The following MAP4K3 variants were observed in gnomAD, a reference collection of about 807,000 sequenced individuals.
The protein encoded by MAP4K3 is MAPK/ERK kinase kinase kinase 3.
In MAP4K3, 94 loss-of-function variants were observed where a neutral mutation model predicts 143.5. The observed-to-expected ratio is 0.65, with a 90% CI of 0.55 to 0.78. The LOEUF (loss-of-function observed/expected upper bound fraction) is 0.78. Ranked by LOEUF, MAP4K3 falls within the 30% of genes least tolerant of loss-of-function variation. The probability of loss-of-function intolerance (pLI) is 0.00; values close to 1 mark genes in which losing one functional copy is unlikely to be tolerated. For synonymous variants in MAP4K3, 416 were observed against 347.2 expected, an observed-to-expected ratio of 1.20 and a Z score of -2.20; for missense variants, 1,077 against 1,068.1, an observed-to-expected ratio of 1.01 and a Z score of -0.12.
chr2:39,251,876 CT>C lies in MAP4K3; in HGVS notation c.2550del (p.Glu851LysfsTer83). On this transcript the variant is annotated frameshift_variant, in exon 33 of 34. Coordinates refer to ENST00000263881, the MANE Select transcript of MAP4K3 (RefSeq NM_003618.4). LOFTEE classifies it high-confidence loss of function. ...AAAATTCTTGTGCTATCTGAAATTT[CT>C]TGTGTTACCTGTTCAATTAAAACAC... ...GRSFRSNEVT[Q>X]EISDSTRIFR... The C allele has an allele frequency of 6.2e-7, 1 of 1,612,914 alleles. No individual in the cohort carries two copies. Among genetic ancestry groups the C allele is most frequent in the Non-Finnish European group, 8.5e-7 (1 of 1,179,330 alleles).
chr2:39,297,974 T>A (rs1192799858), intron 16 of MAP4K3, among the ~76,000 whole-genome samples: 1 of 152,034 alleles, frequency 6.6e-6, no homozygotes, highest in African/African-American at 2.4e-5. Context: ...AACTAAGGAA[T>A]CTGGAAAAGC....
In MAP4K3 at chr2:39,356,314, T is replaced by C. The variant is rs755923879; in HGVS notation, c.180A>G (p.Gln60=). Residue 60 remains glutamine (Q), a synonymous_variant, in exon 3 of 34, where the codon CAA becomes CAG. Coordinates refer to ENST00000263881, the MANE Select transcript of MAP4K3 (RefSeq NM_003618.4). The part of the protein sequence containing the change: ...EPGEDFAVVQ[Q]EIIMMKDCKH... ...TACAGTCTTTCATCATAATAATTTC[T>C]TGCTGCACAACTGCAAAGTCTTCTC... 5.6e-6 allele frequency: 9 copies of C among 1,601,734 alleles called. No individual in the cohort carries two copies. The highest frequency in any genetic ancestry group is 3.3e-4 in the Middle Eastern group (2 of 6,032).
chr2:39,252,562 TG>T lies in MAP4K3; in HGVS notation c.2542-678del, dbSNP rs1457732260. On this transcript the variant is annotated intron_variant, in intron 32 of 33. Coordinates refer to ENST00000263881, the MANE Select transcript of MAP4K3 (RefSeq NM_003618.4). Reference sequence around the variant, plus strand: ...CATATATCCTTCAAGAAGTCCTCAGTGTGACCAACTACCAGTTGGGGAATTA... The same window carrying T: ...CATATATCCTTCAAGAAGTCCTCAGTTGACCAACTACCAGTTGGGGAATTA... 2.0e-5 allele frequency among the ~76,000 whole-genome samples: 3 copies of T among 152,212 alleles called. No homozygotes were observed. In the East Asian group the frequency reaches 5.8e-4, roughly 29 times the overall value.
chr2:39,397,291 T>C (rs1018036062), intron 1 of MAP4K3, among the ~76,000 whole-genome samples: 14 of 152,146 alleles, frequency 9.2e-5, no homozygotes, highest in Admixed American at 7.2e-4. Flanking sequence ...TTCAGTAAGA[T>C]AGTAACCTAT....
intron 24 of MAP4K3, among the ~76,000 whole-genome samples, chr2:39,274,229 T>G (rs1681154828): frequency 6.6e-6 from 1 of 151,566 alleles, no homozygotes; most frequent in South Asian, 2.1e-4. Context: ...CTCTTTTTTT[T>G]TTTTTGAGAT....
rs1202129763 is a variant in MAP4K3, at chr2:39,265,331, G to A, written c.2033-25C>T. The A allele has an allele frequency of 3.0e-6, 4 of 1,347,734 alleles. No individual in the cohort carries two copies. The South Asian group carries it at 3.5e-5, about 12-fold the overall frequency. 83.5% of individuals were successfully genotyped at this position (1,347,734 alleles called of 1,614,324 possible). On this transcript the variant is annotated intron_variant, in intron 27 of 33. Transcript: ENST00000263881. ...ACTGTCAAAGCAAAAATATAAATGA[G>A]TTCTCTTATAAAACAAAGTCATTAT...
intron 8 of MAP4K3, 68 bp downstream of exon 8, chr2:39,331,849 A>AT: frequency 1.9e-6 from 2 of 1,066,362 alleles, no homozygotes; most frequent in Non-Finnish European, 1.3e-6. Context: ...TGACCAGTCT[A>AT]TTTTTTAGAA....
intron 3 of MAP4K3, among the ~76,000 whole-genome samples, chr2:39,353,151 A>C (rs1377292528): frequency 6.6e-6 from 1 of 152,216 alleles, no homozygotes; most frequent in African/African-American, 2.4e-5. Context: ...CGTTGGATAG[A>C]CTAAGTAAGT....
chr2:39,328,634 T>C (rs1228414120), intron 8 of MAP4K3, among the ~76,000 whole-genome samples: 1 of 152,110 alleles, frequency 6.6e-6, no homozygotes, highest in Non-Finnish European at 1.5e-5. Context: ...GTTCTGGTGG[T>C]TTCTTACCAC....
chr2:39,299,750 C>A lies in MAP4K3; in HGVS notation c.1171G>T (p.Ala391Ser). 2 of 1,561,728 alleles carry A rather than the reference C, an allele frequency of 1.3e-6. No homozygotes were observed. The highest frequency in any genetic ancestry group is 1.2e-5 in the South Asian group (1 of 80,880). The change falls in exon 16 of 34, where the codon GCA (alanine) becomes TCA (serine). Residue 391 changes from alanine to serine, a missense_variant. By Grantham distance (99) the Ala-to-Ser change is moderately conservative. Transcript: ENST00000263881. ...QGHQGGYFLG[A>S]NKSLLKSVEE... is the part of the protein sequence containing the mutation. ...TAAAAGAACTTTACTTACTTGTTTG[C>A]ACCTAAAAAGTAACCACCTTGGTGT...
chr2:39,398,406 C>T (rs940714356), intron 1 of MAP4K3, among the ~76,000 whole-genome samples: 2 of 151,694 alleles, frequency 1.3e-5, no homozygotes, highest in Admixed American at 6.6e-5. Context: ...TGTGAATTAG[C>T]CTTTTGCATA....
intron 1 of MAP4K3, among the ~76,000 whole-genome samples, chr2:39,436,344 G>A (rs1665476698): frequency 6.6e-6 from 1 of 151,878 alleles, no homozygotes; most frequent in South Asian, 2.1e-4. Flanking sequence ...TCATTACTCT[G>A]GAAAATTAAA....
intron 1 of MAP4K3, among the ~76,000 whole-genome samples, chr2:39,418,488 T>G (rs1667454304): frequency 6.6e-6 from 1 of 152,168 alleles, no homozygotes; most frequent in Non-Finnish European, 1.5e-5. Context: ...TTCTTACCTC[T>G]TGAGTGTGGC....
intron 1 of MAP4K3, among the ~76,000 whole-genome samples, chr2:39,380,282 T>G (rs2148583306): frequency 6.6e-6 from 1 of 152,214 alleles, no homozygotes; most frequent in African/African-American, 2.4e-5. Context: ...AGCCTTTCCT[T>G]AGTAAAATCC....
intron 2 of MAP4K3, among the ~76,000 whole-genome samples, chr2:39,367,220 G>C (rs1397686097): frequency 6.6e-6 from 1 of 152,166 alleles, no homozygotes; most frequent in African/African-American, 2.4e-5. Flanking sequence ...ACAAAGCCAA[G>C]TAGAAATTCC....
chr2:39,324,122 T>G (rs1683408955), intron 12 of MAP4K3, among the ~76,000 whole-genome samples: 2 of 152,068 alleles, frequency 1.3e-5, no homozygotes, highest in Admixed American at 6.6e-5. Context: ...CCAAAAAACT[T>G]CTTCAGGCCA....
intron 1 of MAP4K3, among the ~76,000 whole-genome samples, chr2:39,413,382 T>C (rs1419877485): frequency 1.3e-5 from 2 of 152,040 alleles, no homozygotes; most frequent in African/African-American, 4.8e-5. Flanking sequence ...TCCACCATTA[T>C]GAGGAAAGGG....
rs118148832 is a variant in MAP4K3, at chr2:39,318,036, T to C, written c.919-2648A>G. On this transcript the variant is annotated intron_variant, in intron 12 of 33. Transcript: ENST00000263881. Reference sequence around the variant, plus strand: ...AAATGCCCAACAACAGTAGACTGAATAAAGAAAATGTGGTACGGATATGCA... The same window carrying C: ...AAATGCCCAACAACAGTAGACTGAACAAAGAAAATGTGGTACGGATATGCA... 1.7e-3 allele frequency among the ~76,000 whole-genome samples: 263 copies of C among 152,032 alleles called. 6 individuals are homozygous for C. In the East Asian group the frequency reaches 0.024, roughly 14 times the overall value.
intron 28 of MAP4K3, among the ~76,000 whole-genome samples, chr2:39,264,365 A>G (rs1230604282): frequency 1.3e-5 from 2 of 152,372 alleles, no homozygotes; most frequent in Middle Eastern, 3.4e-3. Flanking sequence ...TCTTGAAACT[A>G]TATTTTCATC....
Sources: allele counts gnomAD v4.1 joint callset (sites outside exome capture counted in the v4.1 genomes callset), GRCh38; gene constraint gnomAD v4.1.1; transcripts MANE v1.5; gene names NCBI Gene and HGNC (gene_info 2026-07-23, HGNC 2026-07-21).